The following PDLIM5 variants were observed in gnomAD, a reference collection of about 807,000 sequenced individuals.
The protein encoded by PDLIM5 is PDZ and LIM domain 5.
A neutral mutation model predicts 64.2 loss-of-function variants in PDLIM5; 34 were observed. The observed-to-expected ratio is 0.53, with a 90% CI of 0.40 to 0.71. The LOEUF is 0.71. Among genes scored for constraint, PDLIM5 ranks in the 30% least tolerant of loss-of-function variants. The pLI is 0.00. For missense variants in PDLIM5, 683 were observed against 733.6 expected, an observed-to-expected ratio of 0.93 and a Z score of 0.80; for synonymous variants, 253 against 269.1, an observed-to-expected ratio of 0.94 and a Z score of 0.59.
At chr4:94,648,260 T>C (rs1279070168) in intron 9 of PDLIM5, among the ~76,000 whole-genome samples, 1 of 151,282 alleles carries the variant, frequency 6.6e-6, no homozygotes, top group Admixed American at 6.6e-5. Context: ...TTGGCTAAAC[T>C]ACCAAGAAAA....
intron 9 of PDLIM5, among the ~76,000 whole-genome samples, chr4:94,653,965 G>A (rs991964199): frequency 6.6e-6 from 1 of 152,116 alleles, no homozygotes; most frequent in African/African-American, 2.4e-5. Context: ...AAGAGAAATT[G>A]TGGGGAAGAG....
chr4:94,561,225 G>A (rs1733818708), intron 3 of PDLIM5, among the ~76,000 whole-genome samples: 1 of 152,178 alleles, frequency 6.6e-6, no homozygotes, highest in African/African-American at 2.4e-5. Context: ...CAGGCTGTGT[G>A]ATAGTGGTAT....
chr4:94,659,458 C>T (rs565149169), intron 11 of PDLIM5, among the ~76,000 whole-genome samples: 8 of 151,482 alleles, frequency 5.3e-5, no homozygotes, highest in African/African-American at 1.9e-4. Context: ...AACCTCCAAA[C>T]AGCAGGCATA....
chr4:94,530,964 G>A lies in PDLIM5; in HGVS notation c.248+7089G>A, dbSNP rs148400869. Among the ~76,000 whole-genome samples, 307 of 152,288 alleles carry A rather than the reference G, an allele frequency of 2.0e-3. 1 individual carries two copies. The highest frequency in any genetic ancestry group is 7.1e-3 in the African/African-American group (297 of 41,568). ...TGCTGTTTCTTTCACCAATAGAATAGAGGCAGGAGTTTAGAAAGTACTTTT... is the reference window on the plus strand; with the variant it reads ...TGCTGTTTCTTTCACCAATAGAATAAAGGCAGGAGTTTAGAAAGTACTTTT... On this transcript the variant is annotated intron_variant, in intron 3 of 12. Transcript: ENST00000317968.
intron 5 of PDLIM5, chr4:94,584,765 A>G (rs2110310288): frequency 6.2e-6 from 3 of 480,090 alleles, no homozygotes; most frequent in Middle Eastern, 1.1e-3. Flanking sequence ...GAAAGCCAAT[A>G]CATTCTAGCA....
At chr4:94,651,791 C>T (rs76252634) in intron 9 of PDLIM5, among the ~76,000 whole-genome samples, 3,728 of 152,198 alleles carry the variant, frequency 0.024, 158 homozygotes, top group East Asian at 0.15. Context: ...GTGAAAGTGA[C>T]GCTGGATGAG....
intron 3 of PDLIM5, among the ~76,000 whole-genome samples, chr4:94,525,480 A>C (rs1426240897): frequency 6.6e-6 from 1 of 151,948 alleles, no homozygotes; most frequent in African/African-American, 2.4e-5. Flanking sequence ...TTCCCAACAT[A>C]TTTGGCTATG....
In PDLIM5 at chr4:94,455,802, C is replaced by G. The variant is rs1267598196; in HGVS notation, c.96+418C>G. 3.3e-6 allele frequency: 5 copies of G among 1,508,800 alleles called. No homozygotes were observed. In the Admixed American group the frequency reaches 9.8e-5, roughly 30 times the overall value. The allele number at this position is 1,508,800 out of a possible 1,614,324, so 93.5% of individuals were successfully genotyped here. A position where few individuals can be genotyped will look rare whatever the true frequency, so the allele number is the denominator to read the frequency against. ...TCAAAATTGAATAAAATGATTGTTTCGGAATTATTTCCTCAGCTCACTTTC... is the reference window on the plus strand; with the variant it reads ...TCAAAATTGAATAAAATGATTGTTTGGGAATTATTTCCTCAGCTCACTTTC... On this transcript the variant is annotated intron_variant, in intron 2 of 12. Coordinates refer to ENST00000317968, the MANE Select transcript of PDLIM5 (RefSeq NM_006457.5).
chr4:94,604,777 C>T (rs897744147), intron 7 of PDLIM5, among the ~76,000 whole-genome samples: 6 of 152,142 alleles, frequency 3.9e-5, no homozygotes, highest in African/African-American at 1.4e-4. Flanking sequence ...GAGATCTCTT[C>T]CACAATAATG....
At chr4:94,552,699 C>T (rs1732915641) in intron 3 of PDLIM5, among the ~76,000 whole-genome samples, 1 of 151,766 alleles carries the variant, frequency 6.6e-6, no homozygotes, top group African/African-American at 2.4e-5. Context: ...TGACATTTTT[C>T]ATAAGAAAAA....
At chr4:94,537,752 T>C (rs1310108866) in intron 3 of PDLIM5, among the ~76,000 whole-genome samples, 1 of 152,216 alleles carries the variant, frequency 6.6e-6, no homozygotes, top group Non-Finnish European at 1.5e-5. Flanking sequence ...CATCCTACTT[T>C]ACAGAGAGTT....
chr4:94,630,666 C>T (rs1457482653), intron 8 of PDLIM5, among the ~76,000 whole-genome samples: 1 of 152,048 alleles, frequency 6.6e-6, no homozygotes, highest in Non-Finnish European at 1.5e-5. Context: ...TGAGCTACTG[C>T]GCCCGGCCTA....
intron 2 of PDLIM5, among the ~76,000 whole-genome samples, chr4:94,513,838 C>G (rs1729112622): frequency 6.6e-6 from 1 of 152,116 alleles, no homozygotes; most frequent in South Asian, 2.1e-4. Flanking sequence ...TTTCCCCATT[C>G]AGTATGATAC....
chr4:94,499,702 A>C (rs1426448527), intron 2 of PDLIM5, among the ~76,000 whole-genome samples: 1 of 152,204 alleles, frequency 6.6e-6, no homozygotes, highest in Non-Finnish European at 1.5e-5. Flanking sequence ...GTTAGGAACC[A>C]GGCTGCACAG....
Position 94,517,655 on chromosome 4 carries a change from A to G in PDLIM5, c.97-6069A>G, listed in dbSNP as rs369006454. Among the ~76,000 whole-genome samples the G allele has an allele frequency of 1.6e-4, 25 of 152,206 alleles. No homozygotes were observed. In the South Asian group the frequency reaches 4.6e-3, roughly 28 times the overall value. On this transcript the variant is annotated intron_variant, in intron 2 of 12. Transcript: ENST00000317968. Reference sequence around the variant, plus strand: ...GTTAGTGTTTCTTTCTGTAGCCCTCATGTTTATATGTTCCTTTTTTACATT... The same window carrying G: ...GTTAGTGTTTCTTTCTGTAGCCCTCGTGTTTATATGTTCCTTTTTTACATT...
chr4:94,564,942 C>T (rs1214623878), intron 3 of PDLIM5, among the ~76,000 whole-genome samples: 2 of 152,166 alleles, frequency 1.3e-5, no homozygotes, highest in Non-Finnish European at 1.5e-5. Context: ...AGGCATGAGC[C>T]GCCACGCCCA....
At chr4:94,662,315 G>T in intron 11 of PDLIM5, 107 bp from the exon 12 acceptor site, 1 of 535,626 alleles carries the variant, frequency 1.9e-6, no homozygotes, top group Non-Finnish European at 3.4e-6. Context: ...TAATATCTTT[G>T]TCTTCAGCAT....
At chr4:94,603,312 G>A (rs1737644459) in intron 7 of PDLIM5, among the ~76,000 whole-genome samples, 1 of 152,150 alleles carries the variant, frequency 6.6e-6, no homozygotes, top group Admixed American at 6.5e-5. Context: ...AAACACAGGG[G>A]CTGGAAGGGG....
chr4:94,590,229 G>C (rs1468637856), intron 7 of PDLIM5, among the ~76,000 whole-genome samples: 1 of 152,204 alleles, frequency 6.6e-6, no homozygotes, highest in Non-Finnish European at 1.5e-5. Flanking sequence ...CAGATAGATA[G>C]ACATCTTAGA....
Sources: gnomAD v4.1 joint callset for allele counts (sites outside exome capture counted in the v4.1 genomes callset) on GRCh38, gnomAD v4.1.1 for gene constraint, MANE v1.5 for transcripts, NCBI Gene and HGNC (gene_info 2026-07-23, HGNC 2026-07-21) for gene names.